Variants in EPB42 observed in about 807,000 individuals in gnomAD.
EPB42 encodes protein 4.2.
A neutral mutation model predicts 76.9 loss-of-function variants in EPB42; 49 were observed. That is an observed-to-expected ratio of 0.64 (90% CI 0.51 to 0.81). The LOEUF (loss-of-function observed/expected upper bound fraction) is 0.81. Among genes scored for constraint, EPB42 ranks in the 30% least tolerant of loss-of-function variants. The probability of loss-of-function intolerance (pLI) is 0.00; values close to 1 mark genes in which losing one functional copy is unlikely to be tolerated. For missense variants in EPB42, 731 were observed against 867.6 expected (o/e 0.84, Z 1.98); for synonymous variants, 310 against 338.4 (o/e 0.92, Z 0.92).
chr15:43,211,909 T>TA lies in EPB42; in HGVS notation c.431-376dup, dbSNP rs959251448. ...AGCAAGACTCTGTCTCTACAAAAAA[T>TA]AAAAAAAAAACAGCCAGGTGTGGTG... is the stretch of plus-strand genomic sequence containing the variant. On this transcript the variant is annotated intron_variant, in intron 3 of 12. Transcript: ENST00000441366. Among the ~76,000 whole-genome samples the TA allele has an allele frequency of 1.5e-3, 214 of 144,548 alleles. 1 individual carries two copies. Among genetic ancestry groups the TA allele is most frequent in the African/African-American group, 1.8e-3 (69 of 39,142 alleles). 94.8% of individuals were successfully genotyped at this position (144,548 alleles called of 152,430 possible).
intron 10 of EPB42, among the ~76,000 whole-genome samples, chr15:43,204,702 C>G (rs2042174145): frequency 6.6e-6 from 1 of 152,152 alleles, no homozygotes; most frequent in African/African-American, 2.4e-5. Context: ...TGTTTTAACT[C>G]TAAGTGCTGC....
At chr15:43,218,218 G>T (rs2042406160) in intron 1 of EPB42, among the ~76,000 whole-genome samples, 1 of 152,202 alleles carries the variant, frequency 6.6e-6, no homozygotes, top group Non-Finnish European at 1.5e-5. Flanking sequence ...CTGCAGACTG[G>T]TTGAGTTGGA....
intron 12 of EPB42, among the ~76,000 whole-genome samples, chr15:43,200,400 A>G (rs565747379): frequency 5.9e-5 from 9 of 152,224 alleles, no homozygotes; most frequent in African/African-American, 2.2e-4. Context: ...TGCAGTAGAC[A>G]TAATGAAAGA....
Position 43,216,413 on chromosome 15 carries a change from G to A in EPB42, c.51C>T (p.Asn17=), listed in dbSNP as rs373098812. 3.2e-5 allele frequency: 52 copies of A among 1,614,194 alleles called. No individual in the cohort carries two copies. In the African/African-American group the frequency reaches 6.7e-4, roughly 21 times the overall value. Residue 17 remains asparagine, a synonymous_variant, in exon 2 of 13, where the codon AAC becomes AAT. Coordinates refer to ENST00000441366, the MANE Select transcript of EPB42 (RefSeq NM_001114134.2). ...IKSCDFQAAR[N]NEEHHTKALS... is the part of the protein sequence containing the mutation. ...GGGCCTTGGTGTGGTGCTCCTCATT[G>A]TTTCTTGCTGCCTGAAAGTCACAGC...
chr15:43,225,623 C>G (rs1165310241), upstream of EPB42, among the ~76,000 whole-genome samples: 1 of 152,172 alleles, frequency 6.6e-6, no homozygotes, highest in Admixed American at 6.5e-5. Flanking sequence ...GTCTCTGCCA[C>G]CAAGGAGCTT....
rs748189700 is a variant in EPB42 at position 43,206,577 on chromosome 15, T to C, written c.1371A>G (p.Glu457=). The part of the protein sequence containing the change: ...VLERVEKEKM[E]REKDNGIRPP... ...GACGGATGCCGTTGTCTTTCTCACG[T>C]TCCATTTTCTCTTTCTCGACTCTCT... The change falls in exon 10 of 13, where the codon GAA becomes GAG. Residue 457 remains glutamate, a synonymous_variant. Coordinates refer to ENST00000441366, the MANE Select transcript of EPB42 (RefSeq NM_001114134.2). The surrounding 1 kb of genome is among the most constrained non-coding windows in gnomAD (Gnocchi z 4.7). 1.2e-6 allele frequency: 2 copies of C among 1,614,186 alleles called. No individual in the cohort carries two copies. The highest frequency in any genetic ancestry group is 3.3e-5 in the Admixed American group (2 of 60,012).
At chr15:43,213,280 G>C (rs749581616) in intron 3 of EPB42, among the ~76,000 whole-genome samples, 1 of 152,136 alleles carries the variant, frequency 6.6e-6, no homozygotes, top group Non-Finnish European at 1.5e-5. Flanking sequence ...CCTGGCCTGT[G>C]AGCAGGGCTC....
Position 43,216,257 on chromosome 15 carries a change from G to C in EPB42, c.196+11C>G, listed in dbSNP as rs2042377429. The stretch of plus-strand genomic sequence containing the variant: ...CCTGCTGCCAAAGGAGTCTAGGCCT[G>C]ACTCACTAACCAGTTTGTGCAGTGA... On this transcript the variant is annotated intron_variant, in intron 2 of 12. Coordinates refer to ENST00000441366, the MANE Select transcript of EPB42 (RefSeq NM_001114134.2). 5 of 1,613,458 alleles carry C rather than the reference G, an allele frequency of 3.1e-6. No homozygotes were observed. In the African/African-American group the frequency reaches 4.0e-5, roughly 13 times the overall value.
intron 1 of EPB42, among the ~76,000 whole-genome samples, chr15:43,218,790 G>C (rs974203864): frequency 6.6e-6 from 1 of 152,188 alleles, no homozygotes; most frequent in African/African-American, 2.4e-5. Flanking sequence ...CTGGTTTCTT[G>C]GTTTATCTCT....
chr15:43,208,394 GAAATGCAGCCTGGCA>G, intron 7 of EPB42, 61 bp from the exon 8 acceptor site: 4 of 1,554,276 alleles, frequency 2.6e-6, no homozygotes. Flanking sequence ...AGAGGTTCTG[GAAATGCAGCCTGGCA>G]GAGCTGTTGT....
intron 1 of EPB42, among the ~76,000 whole-genome samples, chr15:43,216,946 G>A (rs1163582788): frequency 1.3e-5 from 2 of 152,172 alleles, no homozygotes; most frequent in Non-Finnish European, 2.9e-5. Context: ...GTGTGGAACT[G>A]TCTCACCCAA....
upstream of EPB42, among the ~76,000 whole-genome samples, chr15:43,223,240 C>T (rs958534355): frequency 6.6e-6 from 1 of 152,066 alleles, no homozygotes; most frequent in Non-Finnish European, 1.5e-5. Flanking sequence ...TAGCTTGAAC[C>T]CGGGAGGTTG....
At chr15:43,198,127 A>C (rs1202304130) in intron 12 of EPB42, among the ~76,000 whole-genome samples, 1 of 152,126 alleles carries the variant, frequency 6.6e-6, no homozygotes, top group African/African-American at 2.4e-5. Flanking sequence ...CAATACAGTA[A>C]ATTGGTATGA....
intron 2 of EPB42, 52 bp from the exon 3 acceptor site, chr15:43,215,380 A>G (rs1243074011): frequency 6.4e-7 from 1 of 1,572,710 alleles, no homozygotes; most frequent in Admixed American, 1.7e-5. Flanking sequence ...GTCACAACTC[A>G]GAGTAATAAG....
chr15:43,208,765 G>A lies in EPB42; in HGVS notation c.843C>T (p.Cys281=), dbSNP rs2142291538. The A allele has an allele frequency of 6.2e-7, 1 of 1,614,088 alleles. No individual in the cohort carries two copies. Among genetic ancestry groups the A allele is most frequent in the Non-Finnish European group, 8.5e-7 (1 of 1,180,002 alleles). Reference sequence around the variant, plus strand: ...TCACCACGCGGGCAGGGATTCCCAGGCATCGCAGCACTGTGAGAAGAGGGG... The same window carrying A: ...TCACCACGCGGGCAGGGATTCCCAGACATCGCAGCACTGTGAGAAGAGGGG... ...LAAVACTVLR[C]LGIPARVVTT... The change falls in exon 7 of 13, where the codon TGC becomes TGT. Residue 281 remains cysteine, a synonymous_variant. Coordinates refer to ENST00000441366, the MANE Select transcript of EPB42 (RefSeq NM_001114134.2).
intron 3 of EPB42, 57 bp downstream of exon 3, chr15:43,215,038 C>T (rs1236080167): frequency 4.1e-6 from 6 of 1,478,958 alleles, no homozygotes; most frequent in African/African-American, 1.4e-5. Flanking sequence ...GAGCTGCACC[C>T]CAGCTCCAGT....
intron 12 of EPB42, among the ~76,000 whole-genome samples, chr15:43,200,866 C>G (rs554415161): frequency 6.6e-6 from 1 of 150,622 alleles, no homozygotes; most frequent in Non-Finnish European, 1.5e-5. Flanking sequence ...CCGGGCTGGA[C>G]TGCAGTGGCG....
intron 8 of EPB42, 33 bp downstream of exon 8, chr15:43,208,197 C>T (rs1429034701): frequency 3.8e-6 from 6 of 1,595,158 alleles, no homozygotes; most frequent in African/African-American, 1.3e-5. Context: ...CTGTGCAGCC[C>T]TGCGTGGTCC....
Position 43,207,206 on chromosome 15 carries a change from A to G in EPB42, c.1311T>C (p.Tyr437=). The change falls in exon 9 of 13, where the codon TAT becomes TAC. Residue 437 remains tyrosine (Y), a synonymous_variant. Transcript: ENST00000441366. The part of the protein sequence containing the change: ...RCEDITQNYK[Y]PEGSLQEKEV... Reference sequence around the variant, plus strand: ...CCCTTCCCTGGCCCGTACCTTCAGGATACTTGTAGTTCTGAGTGATGTCCT... The same window carrying G: ...CCCTTCCCTGGCCCGTACCTTCAGGGTACTTGTAGTTCTGAGTGATGTCCT... 1 of 1,613,866 alleles carries G rather than the reference A, an allele frequency of 6.2e-7. No individual in the cohort carries two copies. The highest frequency in any genetic ancestry group is 8.5e-7 in the Non-Finnish European group (1 of 1,179,878).
Sources: gnomAD v4.1 joint callset for allele counts (sites outside exome capture counted in the v4.1 genomes callset) on GRCh38, gnomAD v4.1.1 for gene constraint, Gnocchi (gnomAD v3.1) non-coding constraint, MANE v1.5 for transcripts, NCBI Gene and HGNC (gene_info 2026-07-23, HGNC 2026-07-21) for gene names.